The following GLP1R variants were observed in gnomAD, a reference collection of about 807,000 sequenced individuals.
The protein encoded by GLP1R is glucagon like peptide 1 receptor, also known as glucagon-like peptide 1 receptor.
GLP1R carries 32 observed loss-of-function variants against 68.4 expected under a neutral mutation model. The observed-to-expected ratio is 0.47, with a 90% CI of 0.35 to 0.63. The LOEUF (loss-of-function observed/expected upper bound fraction) is 0.63, where lower values mean the gene tolerates loss of function less well. Ranked by LOEUF, GLP1R falls within the 20% of genes least tolerant of loss-of-function variation. GLP1R has a pLI of 0.00. For missense variants in GLP1R, 502 were observed against 594.9 expected (o/e 0.84, Z 1.62); for synonymous variants, 263 against 244.4 (o/e 1.08, Z -0.71).
At chr6:39,066,373 C>A in intron 5 of GLP1R, 70 bp downstream of exon 5, 1 of 805,440 alleles carries the variant, frequency 1.2e-6, no homozygotes, top group South Asian at 1.5e-5. Flanking sequence ...ATGAAGCAGC[C>A]CAACACCAAA....
At chr6:39,066,537 C>G (rs9296279) in intron 5 of GLP1R, among the ~76,000 whole-genome samples, 68,902 of 151,846 alleles carry the variant, frequency 0.45, 16,277 homozygotes, top group Non-Finnish European at 0.51. Context: ...CAAAAAAGAA[C>G]AAAAATACCA....
intron 7 of GLP1R, among the ~76,000 whole-genome samples, chr6:39,076,016 C>T (rs1768815328): frequency 6.6e-6 from 1 of 152,206 alleles, no homozygotes; most frequent in African/African-American, 2.4e-5. Context: ...GTAATGTTTG[C>T]ATGCAGCAGG....
In GLP1R at chr6:39,078,718, G is replaced by A. The variant is rs10305490; in HGVS notation, c.885-239G>A. Among the ~76,000 whole-genome samples, 761 of 152,278 alleles carry A rather than the reference G, an allele frequency of 5.0e-3. 1 individual carries two copies. The highest frequency in any genetic ancestry group is 9.0e-3 in the Non-Finnish European group (609 of 68,018). ...TGTGTTGGTAGGTCCTTGAAAGCTT[G>A]TTTGGGGGCTGTGTGCATCTCTGTG... On this transcript the variant is annotated intron_variant, in intron 8 of 12. Transcript: ENST00000373256.
intron 3 of GLP1R, among the ~76,000 whole-genome samples, chr6:39,064,376 C>T (rs1417456779): frequency 6.6e-6 from 1 of 152,132 alleles, no homozygotes; most frequent in Non-Finnish European, 1.5e-5. Context: ...GCCTCTGGTG[C>T]CTTCTCCATT....
chr6:39,076,087 C>T (rs1017745905), intron 7 of GLP1R, among the ~76,000 whole-genome samples: 2 of 152,226 alleles, frequency 1.3e-5, no homozygotes, highest in Non-Finnish European at 2.9e-5. Flanking sequence ...ATGAGTGAAA[C>T]TTGCCAGGTC....
At chr6:39,048,974 A>C in intron 1 of GLP1R, 56 bp downstream of exon 1, 1 of 703,812 alleles carries the variant, frequency 1.4e-6, no homozygotes. Context: ...TGCGGGCTGC[A>C]GGCGCAGTGT....
At position 39,079,160 on chromosome 6, in the gene GLP1R, C is replaced by T; in HGVS notation, c.1003C>T (p.Leu335=). Residue 335 remains leucine, a synonymous_variant, in exon 10 of 13, where the codon CTG becomes TTG. Coordinates refer to ENST00000373256, the MANE Select transcript of GLP1R (RefSeq NM_002062.5). The surrounding 1 kb of genome is among the most constrained non-coding windows in gnomAD (Gnocchi z 4.5). ...GGTCATCTGCATCGTGGTATCCAAA[C>T]TGAAGGCCAATCTCATGTGCAAGAC... ...VRVICIVVSK[L]KANLMCKTDI... is the part of the protein sequence containing the mutation. 1 of 1,614,078 alleles carries T rather than the reference C, an allele frequency of 6.2e-7. No homozygotes were observed. The highest frequency in any genetic ancestry group is 8.5e-7 in the Non-Finnish European group (1 of 1,179,944).
At chr6:39,057,818 C>G (rs1768255353) in intron 3 of GLP1R, among the ~76,000 whole-genome samples, 1 of 151,422 alleles carries the variant, frequency 6.6e-6, no homozygotes, top group Non-Finnish European at 1.5e-5. Context: ...CCTCCCTAAC[C>G]TGGTACCTGC....
chr6:39,050,797 G>A (rs1359346646), intron 1 of GLP1R, among the ~76,000 whole-genome samples: 1 of 152,290 alleles, frequency 6.6e-6, no homozygotes, highest in East Asian at 1.9e-4. Flanking sequence ...TGCTGATGGG[G>A]GAATGAAAGC....
At chr6:39,085,802 A>C (rs1191793940) in intron 12 of GLP1R, 104 bp from the exon 13 acceptor site, 1 of 1,030,870 alleles carries the variant, frequency 9.7e-7, no homozygotes, top group East Asian at 2.4e-5. Context: ...CTCTTAATAT[A>C]ATGCAGTGGA....
intron 12 of GLP1R, among the ~76,000 whole-genome samples, chr6:39,081,538 A>G (rs1191743148): frequency 6.6e-6 from 1 of 152,152 alleles, no homozygotes; most frequent in African/African-American, 2.4e-5. Flanking sequence ...GGCTGTGTTC[A>G]TGGGCACCTG....
chr6:39,076,219 A>C (rs1254827600), intron 7 of GLP1R, among the ~76,000 whole-genome samples: 1 of 152,154 alleles, frequency 6.6e-6, no homozygotes, highest in East Asian at 1.9e-4. Context: ...GGAAATCGGC[A>C]TGCTCTTGCC....
rs1484986004 is a variant in GLP1R, at chr6:39,079,402, C to G, written c.1044-162C>G. ...CCTGGACTTGTTGGGGTCTTGACCT[C>G]TATTCTTTCCCTCCAGGCAGCCTGT... On this transcript the variant is annotated intron_variant, in intron 10 of 12. Coordinates refer to ENST00000373256, the MANE Select transcript of GLP1R (RefSeq NM_002062.5). The surrounding 1 kb of genome is among the most constrained non-coding windows in gnomAD (Gnocchi z 4.5). Among the ~76,000 whole-genome samples, 1 of 152,180 alleles carries G rather than the reference C, an allele frequency of 6.6e-6. No homozygotes were observed. Among genetic ancestry groups the G allele is most frequent in the Admixed American group, 6.5e-5 (1 of 15,280 alleles).
In GLP1R at chr6:39,079,710, C is replaced by A. The variant is rs1386623054; in HGVS notation, c.1182+8C>A. The A allele has an allele frequency of 6.2e-7, 1 of 1,610,744 alleles. No individual in the cohort carries two copies. Among genetic ancestry groups the A allele is most frequent in the Admixed American group, 1.7e-5 (1 of 59,932 alleles). ...TCCTTCACCTCCTTCCAGGTGACTT[C>A]ATGCTTGGGGACACTTGCTTGTAAA... is the stretch of plus-strand genomic sequence containing the variant. On this transcript the variant is annotated splice_region_variant and intron_variant, in intron 11 of 12. Coordinates refer to ENST00000373256, the MANE Select transcript of GLP1R (RefSeq NM_002062.5). The surrounding 1 kb of genome is among the most constrained non-coding windows in gnomAD (Gnocchi z 4.5).
At chr6:39,070,900 G>C (rs1335455309) in intron 5 of GLP1R, among the ~76,000 whole-genome samples, 1 of 151,976 alleles carries the variant, frequency 6.6e-6, no homozygotes, top group Non-Finnish European at 1.5e-5. Flanking sequence ...ATGCACAGAA[G>C]TTCTTCATTT....
chr6:39,084,680 C>T (rs939520707), intron 12 of GLP1R, among the ~76,000 whole-genome samples: 1 of 152,226 alleles, frequency 6.6e-6, no homozygotes, highest in African/African-American at 2.4e-5. Flanking sequence ...TTCCCTCCCC[C>T]ACTCAAGCTT....
intron 4 of GLP1R, 44 bp downstream of exon 4, chr6:39,065,873 T>A: frequency 8.4e-7 from 1 of 1,196,034 alleles, no homozygotes; most frequent in Non-Finnish European, 1.2e-6. Context: ...GGGAGCCATG[T>A]CTTGGAGCAC....
At chr6:39,078,713 A>G (rs965610871) in intron 8 of GLP1R, among the ~76,000 whole-genome samples, 2 of 152,004 alleles carry the variant, frequency 1.3e-5, no homozygotes, top group African/African-American at 4.8e-5. Flanking sequence ...GGTCCTTGAA[A>G]GCTTGTTTGG....
At chr6:39,055,917 G>GA (rs1214903472) in intron 1 of GLP1R, among the ~76,000 whole-genome samples, 1 of 152,070 alleles carries the variant, frequency 6.6e-6, no homozygotes, top group East Asian at 1.9e-4. Flanking sequence ...CTTCCTGGGG[G>GA]GGCTGTGCAC....
Sources: gnomAD v4.1 joint callset for allele counts (sites outside exome capture counted in the v4.1 genomes callset) on GRCh38, gnomAD v4.1.1 for gene constraint, Gnocchi (gnomAD v3.1) non-coding constraint, MANE v1.5 for transcripts, NCBI Gene and HGNC (gene_info 2026-07-23, HGNC 2026-07-21) for gene names.